The following USP47 variants were observed in gnomAD, a reference collection of about 807,000 sequenced individuals.
The protein encoded by USP47 is ubiquitin carboxyl-terminal hydrolase 47.
Under a neutral mutation model 165.1 loss-of-function variants are expected in USP47, and 35 were observed. That is an observed-to-expected ratio of 0.21 (90% confidence interval 0.16 to 0.28). The LOEUF is 0.28. Ranked by LOEUF, USP47 falls within the 10% of genes least tolerant of loss-of-function variation. The pLI is 1.00. For missense variants in USP47, 1,277 were observed against 1,607.4 expected (o/e 0.79, Z 3.52); for synonymous variants, 531 against 544.5 (o/e 0.98, Z 0.35).
chr11:11,938,461 C>T (rs1420207222), intron 18 of USP47, 89 bp downstream of exon 18: 3 of 902,008 alleles, frequency 3.3e-6, no homozygotes, highest in East Asian at 2.6e-5. Context: ...AAGATACATG[C>T]TTTACCTCCA....
At chr11:11,916,075 A>G (rs1452814774) in intron 8 of USP47, among the ~76,000 whole-genome samples, 1 of 152,210 alleles carries the variant, frequency 6.6e-6, no homozygotes, top group Non-Finnish European at 1.5e-5. Context: ...AATTGGAATA[A>G]CCCGTATTGT....
chr11:11,939,192 T>G (rs2134754894), intron 18 of USP47, among the ~76,000 whole-genome samples: 1 of 152,114 alleles, frequency 6.6e-6, no homozygotes, highest in East Asian at 1.9e-4. Flanking sequence ...ACAAGGGTCC[T>G]GTACTCTGCA....
intron 27 of USP47, 23 bp from the exon 28 acceptor site, chr11:11,955,978 T>G: frequency 2.0e-6 from 3 of 1,523,744 alleles, no homozygotes. Flanking sequence ...TGGACTAATA[T>G]GTGATTAATA....
intron 3 of USP47, among the ~76,000 whole-genome samples, chr11:11,887,214 A>G (rs963466163): frequency 4.6e-5 from 7 of 152,204 alleles, no homozygotes; most frequent in African/African-American, 1.7e-4. Flanking sequence ...ACAGTATCAA[A>G]TTTGCACATA....
At chr11:11,911,503 C>T (rs1045244914) in intron 8 of USP47, among the ~76,000 whole-genome samples, 1 of 151,928 alleles carries the variant, frequency 6.6e-6, no homozygotes, top group Non-Finnish European at 1.5e-5. Flanking sequence ...AGAAAATTAC[C>T]ACAGACAGAG....
Position 11,902,873 on chromosome 11 carries a change from T to C in USP47, c.739+13T>C, listed in dbSNP as rs1352387905. The stretch of plus-strand genomic sequence containing the variant: ...GATAGTAGTGAGGGTACTAATTCTC[T>C]TGTAATGATAAGCGTTCTAATATTC... On this transcript the variant is annotated intron_variant, in intron 6 of 27. Transcript: ENST00000527733. 6.5e-7 allele frequency: 1 copy of C among 1,546,192 alleles called. No homozygotes were observed. The highest frequency in any genetic ancestry group is 1.4e-5 in the African/African-American group (1 of 72,036).
chr11:11,889,406 G>C (rs1851370104), intron 3 of USP47, among the ~76,000 whole-genome samples: 1 of 151,972 alleles, frequency 6.6e-6, no homozygotes, highest in Non-Finnish European at 1.5e-5. Flanking sequence ...TAGTATTCCT[G>C]TATACCAACA....
chr11:11,952,937 A>G (rs1856318414), intron 25 of USP47, 66 bp downstream of exon 25: 2 of 1,108,148 alleles, frequency 1.8e-6, no homozygotes, highest in Non-Finnish European at 2.2e-6. Context: ...TTAATAAAAT[A>G]TATAATATAT....
At chr11:11,868,786 T>C (rs1322801279) in intron 1 of USP47, among the ~76,000 whole-genome samples, 2 of 152,134 alleles carry the variant, frequency 1.3e-5, no homozygotes, top group Non-Finnish European at 2.9e-5. Context: ...TGCCAGTATT[T>C]GATGTTGCTA....
At chr11:11,939,373 T>C (rs1333656421) in intron 18 of USP47, among the ~76,000 whole-genome samples, 2 of 151,990 alleles carry the variant, frequency 1.3e-5, no homozygotes, top group Admixed American at 6.6e-5. Flanking sequence ...AATACCTGTT[T>C]AGCAGAGTTG....
At chr11:11,911,733 C>T (rs1853007025) in intron 8 of USP47, among the ~76,000 whole-genome samples, 1 of 152,100 alleles carries the variant, frequency 6.6e-6, no homozygotes, top group African/African-American at 2.4e-5. Flanking sequence ...AGGTAGAACT[C>T]AGCAACACCA....
chr11:11,955,188 G>A, intron 27 of USP47, 24 bp downstream of exon 27: 2 of 1,602,926 alleles, frequency 1.2e-6, no homozygotes, highest in Non-Finnish European at 1.7e-6. Context: ...TGTTTTTGTT[G>A]CTGTTAGTAA....
At chr11:11,871,054 G>A (rs1352689575) in intron 1 of USP47, among the ~76,000 whole-genome samples, 2 of 152,160 alleles carry the variant, frequency 1.3e-5, no homozygotes, top group Non-Finnish European at 1.5e-5. Context: ...TGGTTTATTT[G>A]TAAACAGTTT....
chr11:11,907,144 A>AG (rs1852626287), intron 8 of USP47, among the ~76,000 whole-genome samples: 1 of 152,152 alleles, frequency 6.6e-6, no homozygotes, highest in South Asian at 2.1e-4. Flanking sequence ...CACTCTCTTA[A>AG]GTATATTAAT....
At chr11:11,877,150 G>GAA (rs34092972) in intron 1 of USP47, among the ~76,000 whole-genome samples, 4 of 146,860 alleles carry the variant, frequency 2.7e-5, no homozygotes, top group African/African-American at 1.0e-4. Flanking sequence ...AGCTATTTAA[G>GAA]AAAAAAAAAA....
chr11:11,948,738 C>T, intron 22 of USP47, 180 bp downstream of exon 22: 2 of 546,870 alleles, frequency 3.7e-6, no homozygotes, highest in South Asian at 5.2e-5. Context: ...GCTATTATAG[C>T]ACAAGGAGCC....
At chr11:11,848,759 G>A (rs966711333) in intron 1 of USP47, among the ~76,000 whole-genome samples, 1 of 151,852 alleles carries the variant, frequency 6.6e-6, no homozygotes, top group African/African-American at 2.4e-5. Flanking sequence ...ACAGACGCGC[G>A]CCACCACACC....
rs997324569 is a variant in USP47, at chr11:11,842,194, C to T, written c.9C>T (p.Pro3=). ...AGCGGCCGGAGTCAGCGATGGTGCC[C>T]GGCGAGGAGAACCAACTGGTCCCGA... MV[P]GEENQLVPKE... The change falls in exon 1 of 28, where the codon CCC becomes CCT. Residue 3 remains proline, a synonymous_variant. Transcript: ENST00000527733. The T allele has an allele frequency of 1.2e-5, 18 of 1,553,790 alleles. No homozygotes were observed. The African/African-American group carries it at 1.9e-4, about 16-fold the overall frequency.
chr11:11,853,372 A>G (rs1433186025), intron 1 of USP47, among the ~76,000 whole-genome samples: 8 of 152,344 alleles, frequency 5.3e-5, no homozygotes, highest in South Asian at 2.1e-4. Flanking sequence ...GAGGTTTATG[A>G]CACAGATTTT....
Sources: gnomAD v4.1 joint callset for allele counts (sites outside exome capture counted in the v4.1 genomes callset) on GRCh38, gnomAD v4.1.1 for gene constraint, MANE v1.5 for transcripts, NCBI Gene and HGNC (gene_info 2026-07-23, HGNC 2026-07-21) for gene names.